The following HHIPL1 variants were observed in gnomAD, a reference collection of about 807,000 sequenced individuals.
The protein encoded by HHIPL1 is HHIP like 1.
HHIPL1 carries 43 observed loss-of-function variants against 61.8 expected under a neutral mutation model. That is an observed-to-expected ratio of 0.70 (90% CI 0.55 to 0.90). The LOEUF is 0.90. Ranked by LOEUF, HHIPL1 falls within the 40% of genes least tolerant of loss-of-function variation. The probability of loss-of-function intolerance (pLI) is 0.00; values close to 1 mark genes in which losing one functional copy is unlikely to be tolerated. For missense variants in HHIPL1, 1,056 were observed against 1,157.7 expected (o/e 0.91, Z 1.28); for synonymous variants, 482 against 515.8 (o/e 0.93, Z 0.89).
chr14:99,661,419 A>AG (rs1595161897), intron 5 of HHIPL1, among the ~76,000 whole-genome samples: 1 of 145,360 alleles, frequency 6.9e-6, no homozygotes, highest in African/African-American at 2.6e-5. Flanking sequence ...GAGAGAGAGA[A>AG]AAGAAGGAAG....
chr14:99,613,268 G>GTT, the HHIPL1 span, among the ~76,000 whole-genome samples: 1 of 145,676 alleles, frequency 6.9e-6, no homozygotes, highest in Non-Finnish European at 1.5e-5. Context: ...TTGTTTTTTA[G>GTT]TTTTTTTTTT....
At chr14:99,635,503 C>A in the HHIPL1 span, among the ~76,000 whole-genome samples, 2 of 152,240 alleles carry the variant, frequency 1.3e-5, no homozygotes, top group African/African-American at 4.8e-5. Flanking sequence ...TGGGCCTTTT[C>A]CTCCCTGGGC....
chr14:99,639,792 G>A, the HHIPL1 span, among the ~76,000 whole-genome samples: 1 of 152,154 alleles, frequency 6.6e-6, no homozygotes, highest in Non-Finnish European at 1.5e-5. Context: ...CTCCTGAGTA[G>A]CTGGGACTAC....
the HHIPL1 span, among the ~76,000 whole-genome samples, chr14:99,605,396 G>GTCCC: frequency 6.8e-6 from 1 of 146,608 alleles, no homozygotes; most frequent in Admixed American, 6.7e-5. Flanking sequence ...GCGGGGGGGG[G>GTCCC]TCCCTCCCCC....
the HHIPL1 span, among the ~76,000 whole-genome samples, chr14:99,635,526 G>A: frequency 6.6e-6 from 1 of 152,132 alleles, no homozygotes; most frequent in Non-Finnish European, 1.5e-5. Flanking sequence ...CAGTTTCCCT[G>A]CTTGGGCCGT....
At chr14:99,623,086 C>T in the HHIPL1 span, among the ~76,000 whole-genome samples, 1 of 152,204 alleles carries the variant, frequency 6.6e-6, no homozygotes, top group Non-Finnish European at 1.5e-5. Flanking sequence ...TGAAAGGAGG[C>T]TCCCATTCCT....
In HHIPL1 at chr14:99,656,834, A is replaced by G. The variant is rs866028367; in HGVS notation, c.903-166A>G. Reference sequence around the variant, plus strand: ...AAGAAAGAAAGAAAGAAAGAAAGAAAGAAAGGAAGGAAGGAAGGAAGGAAG... The same window carrying G: ...AAGAAAGAAAGAAAGAAAGAAAGAAGGAAAGGAAGGAAGGAAGGAAGGAAG... On this transcript the variant is annotated intron_variant, in intron 2 of 8. Transcript: ENST00000330710. Among the ~76,000 whole-genome samples the G allele has an allele frequency of 9.0e-3, 66 of 7,302 alleles. 10 individuals are homozygous for G. Among genetic ancestry groups the G allele is most frequent in the Non-Finnish European group, 0.027 (51 of 1,916 alleles). 4.8% of individuals were successfully genotyped at this position (7,302 alleles called of 152,430 possible).
upstream of HHIPL1, among the ~76,000 whole-genome samples, chr14:99,641,622 C>T (rs2055753315): frequency 1.3e-5 from 2 of 152,096 alleles, no homozygotes; most frequent in South Asian, 2.1e-4. Context: ...CAATGTTGGC[C>T]ATGCTGGTCT....
At chr14:99,616,400 C>A in the HHIPL1 span, among the ~76,000 whole-genome samples, 1 of 152,126 alleles carries the variant, frequency 6.6e-6, no homozygotes, top group Non-Finnish European at 1.5e-5. Flanking sequence ...CTAATTTAAT[C>A]AAAAATTATG....
In HHIPL1 at chr14:99,672,372, C is replaced by T. The variant is rs370610974; in HGVS notation, c.1786C>T (p.Arg596Cys). 1.2e-5 allele frequency: 18 copies of T among 1,551,070 alleles called. No individual in the cohort carries two copies. The Admixed American group carries it at 1.2e-4, about 10-fold the overall frequency. Residue 596 changes from arginine to cysteine, a missense_variant, in exon 8 of 9, where the codon CGT becomes TGT. Physicochemically the swap from Arg to Cys is radical, Grantham distance 180 (BLOSUM62 -3). Transcript: ENST00000330710. Reference protein sequence around the residue: ...IQPAQVKIRSRLIPFVPKEKF... With the variant: ...IQPAQVKIRSCLIPFVPKEKF... ...GCCTGCTCAGGTGAAGATCAGAAGC[C>T]GTCTCATCCCCTTTGTGCCCAAAGA... is the stretch of plus-strand genomic sequence containing the variant.
At position 99,675,916 on chromosome 14, in the gene HHIPL1, C is replaced by A. The variant is rs1027696330; in HGVS notation, c.*290C>A. 13 of 364,402 alleles carry A rather than the reference C, an allele frequency of 3.6e-5. No individual in the cohort carries two copies. In the Admixed American group the frequency reaches 4.6e-4, roughly 13 times the overall value. The allele number at this position is 364,402 out of a possible 1,614,324, so 22.6% of individuals were successfully genotyped here. ...TTCAGACACCAGCAGGAACAGCAGC[C>A]GGGCTGTGGGACCCTGAGGAGGGAG... On this transcript the variant is annotated 3_prime_UTR_variant, in exon 9 of 9. Coordinates refer to ENST00000330710, the MANE Select transcript of HHIPL1 (RefSeq NM_001127258.3). This position sits in a 1 kb window ranked among gnomAD's most constrained non-coding sequence, Gnocchi z 5.4.
the HHIPL1 span, among the ~76,000 whole-genome samples, chr14:99,632,378 G>A: frequency 1.3e-5 from 2 of 152,188 alleles, no homozygotes; most frequent in Non-Finnish European, 2.9e-5. Flanking sequence ...CTGTTCATTA[G>A]ACTGAACTGA....
the HHIPL1 span, among the ~76,000 whole-genome samples, chr14:99,622,504 ACG>A: frequency 2.6e-5 from 4 of 152,186 alleles, no homozygotes; most frequent in Admixed American, 6.5e-5. Flanking sequence ...TCTGGCACCG[ACG>A]CCCTGTCCTT....
the HHIPL1 span, among the ~76,000 whole-genome samples, chr14:99,629,743 T>G: frequency 6.6e-6 from 1 of 152,230 alleles, no homozygotes; most frequent in Non-Finnish European, 1.5e-5. Context: ...CCTCAGGTGA[T>G]CTGCCCGCCT....
chr14:99,659,844 GCACCCCC>G, intron 4 of HHIPL1, 88 bp downstream of exon 4: 1 of 307,972 alleles, frequency 3.2e-6, no homozygotes, highest in Non-Finnish European at 4.7e-6. Flanking sequence ...CTCGGAGACC[GCACCCCC>G]CCCCCCCCGG....
At chr14:99,643,907 T>C (rs185763614), upstream of HHIPL1, among the ~76,000 whole-genome samples, 20 of 152,354 alleles carry the variant, frequency 1.3e-4, no homozygotes, top group Non-Finnish European at 2.6e-4. Flanking sequence ...TCCAGTAACA[T>C]CTGCTCTTCC....
chr14:99,650,982 C>T (rs1416402933), intron 1 of HHIPL1, among the ~76,000 whole-genome samples: 2 of 150,626 alleles, frequency 1.3e-5, no homozygotes, highest in Non-Finnish European at 3.0e-5. Flanking sequence ...GGTGCAGTTG[C>T]TCACGCCTGT....
chr14:99,615,909 C>T, the HHIPL1 span, among the ~76,000 whole-genome samples: 1 of 152,040 alleles, frequency 6.6e-6, no homozygotes, highest in African/African-American at 2.4e-5. Context: ...AGAGCTCTGT[C>T]GGAGTTTGGT....
chr14:99,675,322 G>T lies in HHIPL1; in HGVS notation c.2045G>T (p.Ser682Ile). The change falls in exon 9 of 9, where the codon AGC becomes ATC. Residue 682 changes from serine (S) to isoleucine (I), a missense_variant. Physicochemically the swap from Ser to Ile is moderately radical, Grantham distance 142. Coordinates refer to ENST00000330710, the MANE Select transcript of HHIPL1 (RefSeq NM_001127258.3). This position sits in a 1 kb window ranked among gnomAD's most constrained non-coding sequence, Gnocchi z 5.4. The stretch of plus-strand genomic sequence containing the variant: ...CGCCTGGTGCGGCCCGCGGGCCTGA[G>T]CTCTGGCAGCGGGCGCGTGGAGGTG... The part of the protein sequence containing the change: ...EVRLVRPAGL[S>I]SGSGRVEVFV... The T allele has an allele frequency of 7.1e-7, 1 of 1,415,276 alleles. No homozygotes were observed. The allele number at this position is 1,415,276 out of a possible 1,614,324, so 87.7% of individuals were successfully genotyped here.
Sources: gnomAD v4.1 joint callset for allele counts (sites outside exome capture counted in the v4.1 genomes callset) on GRCh38, gnomAD v4.1.1 for gene constraint, Gnocchi (gnomAD v3.1) non-coding constraint, MANE v1.5 for transcripts, NCBI Gene and HGNC (gene_info 2026-07-23, HGNC 2026-07-21) for gene names.